Variants in NPC1 observed in about 807,000 individuals in gnomAD.
The protein encoded by NPC1 is Niemann-Pick C1 protein.
In NPC1, 85 loss-of-function variants were observed where a neutral mutation model predicts 140.4. The ratio of observed to expected loss-of-function variants is 0.61; its 90% CI spans 0.51 to 0.72. The LOEUF (loss-of-function observed/expected upper bound fraction) is 0.72, where lower values mean the gene tolerates loss of function less well. Ranked by LOEUF, NPC1 falls within the 30% of genes least tolerant of loss-of-function variation. The pLI, the probability that NPC1 is intolerant of heterozygous loss-of-function variation, is 0.00. For missense variants in NPC1, 1,504 were observed against 1,623.8 expected (o/e 0.93, Z 1.27); for synonymous variants, 656 against 624.8 (o/e 1.05, Z -0.74).
downstream of NPC1, among the ~76,000 whole-genome samples, chr18:23,525,378 G>T (rs2058267576): frequency 6.6e-6 from 1 of 152,090 alleles, no homozygotes; most frequent in African/African-American, 2.4e-5. Flanking sequence ...CTCCCAAGTA[G>T]CTGGGCCTAC....
At chr18:23,581,005 G>A (rs1455701239) in intron 1 of NPC1, among the ~76,000 whole-genome samples, 1 of 152,230 alleles carries the variant, frequency 6.6e-6, no homozygotes, top group Admixed American at 6.5e-5. Flanking sequence ...GGGTGTTTAA[G>A]TCATATATTT....
chr18:23,520,372 AC>A, downstream of NPC1: 1 of 1,357,468 alleles, frequency 7.4e-7, no homozygotes, highest in Non-Finnish European at 1.0e-6. Context: ...CTGTGTTCTC[AC>A]CATGATCTTT....
At chr18:23,508,433 C>T (rs2057766983) in intron 3 of NPC1, among the ~76,000 whole-genome samples, 1 of 152,126 alleles carries the variant, frequency 6.6e-6, no homozygotes, top group Non-Finnish European at 1.5e-5. Flanking sequence ...CCTGAAGTTT[C>T]CTTTCCTCAA....
At chr18:23,516,217 C>T in intron 3 of NPC1, 1 of 1,428,316 alleles carries the variant, frequency 7.0e-7, no homozygotes, top group Non-Finnish European at 9.8e-7. Flanking sequence ...GGAAAGGATC[C>T]AAAGACGAAG....
intron 1 of NPC1, among the ~76,000 whole-genome samples, chr18:23,573,927 AG>A (rs2059238567): frequency 6.6e-6 from 1 of 152,250 alleles, no homozygotes; most frequent in Admixed American, 6.5e-5. Context: ...CATCTGCACC[AG>A]GAACTATATA....
At chr18:23,545,632 C>T (rs1275737562) in intron 11 of NPC1, among the ~76,000 whole-genome samples, 1 of 152,228 alleles carries the variant, frequency 6.6e-6, no homozygotes, top group African/African-American at 2.4e-5. Flanking sequence ...CTCTCTGTTG[C>T]CTCGGCTGGA....
downstream of NPC1, among the ~76,000 whole-genome samples, chr18:23,517,602 T>C (rs113401979): frequency 8.5e-5 from 13 of 152,244 alleles, no homozygotes; most frequent in African/African-American, 2.7e-4. Flanking sequence ...AAGTTACTTC[T>C]GATTCTTCTG....
rs1410725738 is a variant in NPC1, at chr18:23,538,423, A to T, written c.3041+119T>A. 4 of 1,251,498 alleles carry T rather than the reference A, an allele frequency of 3.2e-6. No individual in the cohort carries two copies. The East Asian group carries it at 9.3e-5, about 29-fold the overall frequency. 77.5% of individuals were successfully genotyped at this position (1,251,498 alleles called of 1,614,324 possible). ...TTCCTGCTTCCACCAAAGGACCAGG[A>T]CAGGGTGGGGCGGAGAAGAGACGTT... On this transcript the variant is annotated intron_variant, in intron 20 of 24. Coordinates refer to ENST00000269228, the MANE Select transcript of NPC1 (RefSeq NM_000271.5).
At chr18:23,517,075 G>A (rs1465263390) in intron 3 of NPC1, among the ~76,000 whole-genome samples, 1 of 151,708 alleles carries the variant, frequency 6.6e-6, no homozygotes, top group Admixed American at 6.6e-5. Flanking sequence ...TTCTAAATAA[G>A]AAAATAGATT....
At chr18:23,533,015 G>C in intron 24 of NPC1, 4 of 895,834 alleles carry the variant, frequency 4.5e-6, no homozygotes, top group Non-Finnish European at 5.3e-6. Flanking sequence ...TGGTGTGAGA[G>C]CTGGCTGCCA....
rs2510342 is a variant in NPC1, at chr18:23,543,459, G to C, written c.2241C>G (p.Phe747Leu). 1.9e-6 allele frequency: 3 copies of C among 1,586,266 alleles called. No homozygotes were observed. The African/African-American group carries it at 4.1e-5, about 21-fold the overall frequency. Residue 747 changes from phenylalanine (F) to leucine (L), a missense_variant, in exon 14 of 25, where the codon TTC becomes TTG. Physicochemically the swap from Phe to Leu is conservative, Grantham distance 22. Transcript: ENST00000269228. ...LSSFSETVAFFLGALSVMPAV... is the reference protein window; with the variant it reads ...LSSFSETVAFLLGALSVMPAV... ...TAGGATTGAAAGCATAATTACCTAA[G>C]AAAAATGCTACAGTCTCAGAAAAGG...
chr18:23,520,123 C>T (rs1343535578), downstream of NPC1: 4 of 1,079,504 alleles, frequency 3.7e-6, no homozygotes, highest in Admixed American at 1.7e-5. Context: ...CTGATTTAAA[C>T]AGCAAGATGG....
rs752896980 is a variant in NPC1, at chr18:23,586,337, C to T, written c.7G>A (p.Ala3Thr). 274 of 1,533,936 alleles carry T rather than the reference C, an allele frequency of 1.8e-4. No homozygotes were observed. The highest frequency in any genetic ancestry group is 6.8e-4 in the Middle Eastern group (3 of 4,438). ...AGGAGGCCAAGGGCCAGGCCGCGAG[C>T]GGTCATGCTGTGGCCGCGCAAGGCT... The part of the protein sequence containing the change: MT[A>T]RGLALGLLLL... Residue 3 changes from alanine to threonine, a missense_variant, in exon 1 of 25, where the codon GCT (alanine) becomes ACT (threonine). Transcript: ENST00000269228.
At chr18:23,536,621 C>T in intron 21 of NPC1, 52 bp downstream of exon 21, 1 of 1,525,620 alleles carries the variant, frequency 6.6e-7, no homozygotes, top group Non-Finnish European at 9.0e-7. Context: ...CCACTCCCAC[C>T]CAGTGTAGGC....
chr18:23,573,303 G>T, intron 2 of NPC1, 149 bp downstream of exon 2: 2 of 1,091,016 alleles, frequency 1.8e-6, no homozygotes, highest in Non-Finnish European at 2.8e-6. Context: ...TGCACTGTAT[G>T]CCACAGGTTA....
chr18:23,544,631 G>C, intron 12 of NPC1, 105 bp from the exon 13 acceptor site: 1 of 1,011,780 alleles, frequency 9.9e-7, no homozygotes. Context: ...ATTAAACCTA[G>C]AGTTGAATGT....
At chr18:23,529,070 G>C (rs993074739), downstream of NPC1, 2 of 1,487,456 alleles carry the variant, frequency 1.3e-6, no homozygotes, top group African/African-American at 2.8e-5. Context: ...AGTGTTTTCC[G>C]CTCATATCCT....
rs2058521884 is a variant in NPC1 at position 23,531,863 on chromosome 18, G to C, written c.*339C>G. On this transcript the variant is annotated 3_prime_UTR_variant, in exon 25 of 25. Coordinates refer to ENST00000269228, the MANE Select transcript of NPC1 (RefSeq NM_000271.5). ...GTGGGATGGCTTACTCCTAAAAGGA[G>C]AGACAGACAGTGCATTGATTGGCCT... 6.9e-7 allele frequency: 1 copy of C among 1,449,356 alleles called. No individual in the cohort carries two copies. The highest frequency in any genetic ancestry group is 1.4e-5 in the African/African-American group (1 of 69,898). 89.8% of individuals were successfully genotyped at this position (1,449,356 alleles called of 1,614,324 possible).
intron 5 of NPC1, among the ~76,000 whole-genome samples, chr18:23,561,094 C>G (rs1271577827): frequency 3.3e-5 from 5 of 152,190 alleles, no homozygotes; most frequent in African/African-American, 1.2e-4. Flanking sequence ...TCACTGCAGC[C>G]TTGAACTCCT....
Sources: allele counts gnomAD v4.1 joint callset (sites outside exome capture counted in the v4.1 genomes callset), GRCh38; gene constraint gnomAD v4.1.1; transcripts MANE v1.5; gene names NCBI Gene and HGNC (gene_info 2026-07-23, HGNC 2026-07-21).